METTL21A: variants seen among roughly 807,000 people sequenced by gnomAD.
The protein encoded by METTL21A is methyltransferase 21A, HSPA lysine, also known as protein N-lysine methyltransferase METTL21A.
A neutral mutation model predicts 20.9 loss-of-function variants in METTL21A; 22 were observed. The observed-to-expected ratio is 1.05, with a 90% CI of 0.75 to 1.50. The LOEUF (loss-of-function observed/expected upper bound fraction) is 1.50, where lower values mean the gene tolerates loss of function less well. METTL21A is among the 40% of genes most tolerant of loss of function. The pLI is 0.00. For synonymous variants in METTL21A, 93 were observed against 102.0 expected (o/e 0.91, Z 0.53); for missense variants, 271 against 266.8 (o/e 1.02, Z -0.11).
chr2:207,587,392 CAAA>C (rs765065014), intron 3 of METTL21A, among the ~76,000 whole-genome samples: 4 of 82,734 alleles, frequency 4.8e-5, no homozygotes, highest in Admixed American at 1.4e-4. Flanking sequence ...GACTCCATCT[CAAA>C]AAAAAAAAAA....
chr2:207,625,341 TA>T lies in METTL21A; in HGVS notation c.-107del, dbSNP rs1350618776. 1 of 151,748 alleles carries T rather than the reference TA, an allele frequency of 6.6e-6. No individual in the cohort carries two copies. Among genetic ancestry groups the T allele is most frequent in the Non-Finnish European group, 1.5e-5 (1 of 67,892 alleles). The allele number at this position is 151,748 out of a possible 1,614,324, so 9.4% of individuals were successfully genotyped here. ...GGCTGGCTGCGAAAACCGCCGGCCTTAAAGAGCCCGCGACGCGGGGGCGGGC... is the reference window on the plus strand; with the variant it reads ...GGCTGGCTGCGAAAACCGCCGGCCTTAAGAGCCCGCGACGCGGGGGCGGGC... On this transcript the variant is annotated 5_prime_UTR_variant, in exon 1 of 4. It removes the in-frame stop codon of an upstream open reading frame in the 5' UTR. Coordinates refer to ENST00000406927, the Ensembl canonical transcript of METTL21A.
At chr2:207,603,240 CTATG>C in intron 3 of METTL21A, 1 of 219,868 alleles carries the variant, frequency 4.5e-6, no homozygotes, top group South Asian at 1.8e-4. Flanking sequence ...TTTATTAACA[CTATG>C]TACATAATAG....
At chr2:207,583,604 A>G (rs2106633986) in intron 3 of METTL21A, among the ~76,000 whole-genome samples, 1 of 152,314 alleles carries the variant, frequency 6.6e-6, no homozygotes, top group Non-Finnish European at 1.5e-5. Context: ...GTTATATCAT[A>G]TGATTGTAGT....
At chr2:207,581,588 G>A (rs2082963574), downstream of METTL21A, 2 of 303,738 alleles carry the variant, frequency 6.6e-6, no homozygotes, top group East Asian at 1.0e-4. Flanking sequence ...CCAGTACAAA[G>A]GTAAATATAC....
chr2:207,590,088 T>A (rs1244925544), intron 3 of METTL21A, among the ~76,000 whole-genome samples: 17 of 96,404 alleles, frequency 1.8e-4, no homozygotes, highest in African/African-American at 5.8e-4. Flanking sequence ...GAGAAGTTTT[T>A]TTTTTTTTTT....
intron 3 of METTL21A, among the ~76,000 whole-genome samples, chr2:207,616,771 G>A (rs78835811): frequency 3.9e-5 from 6 of 152,036 alleles, no homozygotes; most frequent in East Asian, 3.9e-4. Context: ...GCTTGAACCC[G>A]GGAGGCAGAG....
chr2:207,597,061 T>G, intron 3 of METTL21A: 1 of 1,589,968 alleles, frequency 6.3e-7, no homozygotes, highest in Non-Finnish European at 8.5e-7. Flanking sequence ...CAGATTAATT[T>G]GGGATTTAAA....
intron 3 of METTL21A, among the ~76,000 whole-genome samples, chr2:207,595,524 C>T (rs901839724): frequency 5.9e-5 from 9 of 151,884 alleles, no homozygotes; most frequent in Non-Finnish European, 1.3e-4. Flanking sequence ...GGCCTCCAAC[C>T]TCAGCTTCCT....
intron 3 of METTL21A, among the ~76,000 whole-genome samples, chr2:207,593,910 AG>A (rs2106636757): frequency 6.6e-6 from 1 of 151,846 alleles, no homozygotes; most frequent in East Asian, 2.0e-4. Flanking sequence ...GTAGAGACAG[AG>A]TTTCGCCATG....
At chr2:207,610,867 G>C, downstream of METTL21A, 1 of 27,358 alleles carries the variant, frequency 3.7e-5, no homozygotes, top group Non-Finnish European at 6.9e-5. Flanking sequence ...CGCCCCTACT[G>C]GGAAGTGAGG....
At chr2:207,585,556 T>C (rs2083670278) in intron 3 of METTL21A, among the ~76,000 whole-genome samples, 1 of 151,796 alleles carries the variant, frequency 6.6e-6, no homozygotes, top group South Asian at 2.2e-4. Context: ...AGGAACACAA[T>C]AATTTTCCAC....
chr2:207,623,997 T>C (rs1190914656), intron 2 of METTL21A, among the ~76,000 whole-genome samples: 1 of 152,180 alleles, frequency 6.6e-6, no homozygotes, highest in Admixed American at 6.5e-5. Context: ...GACTAAGGGA[T>C]ACGGGTTTGA....
At chr2:207,623,578 G>A (rs554941898) in intron 2 of METTL21A, among the ~76,000 whole-genome samples, 2 of 152,308 alleles carry the variant, frequency 1.3e-5, no homozygotes, top group South Asian at 2.1e-4. Context: ...TCGGCTGGGC[G>A]CTGTGGCTCA....
chr2:207,586,724 A>G, intron 3 of METTL21A, among the ~76,000 whole-genome samples: 1 of 152,232 alleles, frequency 6.6e-6, no homozygotes, highest in Non-Finnish European at 1.5e-5. Flanking sequence ...CAAAAATCCT[A>G]TTAAAAAGTG....
chr2:207,601,873 A>G lies in METTL21A; in HGVS notation c.260-19713T>C, dbSNP rs1463633464. Reference sequence around the variant, plus strand: ...TAGAACTTTTTGTTGGGAGGCTTACATACATCTTGAATATTCTTAATGTAA... The same window carrying G: ...TAGAACTTTTTGTTGGGAGGCTTACGTACATCTTGAATATTCTTAATGTAA... On this transcript the variant is annotated intron_variant, in intron 3 of 3. Coordinates refer to the METTL21A transcript ENST00000425132. 2.3e-5 allele frequency: 5 copies of G among 215,772 alleles called. No homozygotes were observed. The Admixed American group carries it at 2.3e-4, about 10-fold the overall frequency. The allele number at this position is 215,772 out of a possible 1,614,324, so 13.4% of individuals were successfully genotyped here.
chr2:207,582,985 TTATA>T (rs1199807644), intron 3 of METTL21A: 1 of 155,022 alleles, frequency 6.5e-6, no homozygotes, highest in East Asian at 1.9e-4. Flanking sequence ...TTCTGTATCT[TTATA>T]TATAGTTGGC....
intron 1 of METTL21A, 114 bp from the exon 2 acceptor site, chr2:207,624,518 A>T: frequency 2.2e-6 from 2 of 911,484 alleles, no homozygotes; most frequent in Non-Finnish European, 3.1e-6. Flanking sequence ...AAAAAGAAAC[A>T]GGTGGAGGAA....
At position 207,621,918 on chromosome 2, in the gene METTL21A, C is replaced by T; in HGVS notation, c.148-1G>A. 1 of 1,613,052 alleles carries T rather than the reference C, an allele frequency of 6.2e-7. No individual in the cohort carries two copies. Among genetic ancestry groups the T allele is most frequent in the Non-Finnish European group, 8.5e-7 (1 of 1,179,582 alleles). The stretch of plus-strand genomic sequence containing the variant: ...CCAGGTATGTGGAAAGAACGATGGC[C>T]TGAATGAAAACACAGTGTGATGACG... On this transcript the variant is annotated splice_acceptor_variant, in intron 2 of 3. Coordinates refer to ENST00000406927, the Ensembl canonical transcript of METTL21A. LOFTEE classifies it high-confidence loss of function.
At chr2:207,599,049 C>T (rs1209236237) in intron 3 of METTL21A, 5 of 185,388 alleles carry the variant, frequency 2.7e-5, no homozygotes, top group Non-Finnish European at 4.6e-5. Context: ...GGTATATTTT[C>T]GTTTGTAACA....
Sources: allele counts gnomAD v4.1 joint callset (sites outside exome capture counted in the v4.1 genomes callset), GRCh38; gene constraint gnomAD v4.1.1; transcripts MANE v1.5; gene names NCBI Gene and HGNC (gene_info 2026-07-23, HGNC 2026-07-21).